ATAD2B: variants seen among roughly 807,000 people sequenced by gnomAD.
ATAD2B encodes the protein ATPase family AAA domain-containing protein 2B.
A neutral mutation model predicts 167.6 loss-of-function variants in ATAD2B; 40 were observed. The ratio of observed to expected loss-of-function variants is 0.24; its 90% CI spans 0.19 to 0.31. The LOEUF is 0.31. Ranked by LOEUF, ATAD2B falls within the 10% of genes least tolerant of loss-of-function variation. The pLI is 1.00. For synonymous variants in ATAD2B, 579 were observed against 596.5 expected (o/e 0.97, Z 0.43); for missense variants, 1,242 against 1,757.2 (o/e 0.71, Z 5.24).
intron 1 of ATAD2B, among the ~76,000 whole-genome samples, chr2:23,903,376 G>C (rs867162366): frequency 1.3e-5 from 2 of 152,182 alleles, no homozygotes; most frequent in Middle Eastern, 3.4e-3. Flanking sequence ...ACTTCCAAGA[G>C]AAGTATAATA....
At chr2:23,763,221 C>G (rs1440835513) in intron 23 of ATAD2B, among the ~76,000 whole-genome samples, 1 of 152,094 alleles carries the variant, frequency 6.6e-6, no homozygotes, top group African/African-American at 2.4e-5. Flanking sequence ...AGTTTTTATT[C>G]TTCCTTCACT....
rs1676095451 is a variant in ATAD2B at position 23,757,559 on chromosome 2, G to T, written c.3937C>A (p.Gln1313Lys). The T allele has an allele frequency of 2.5e-6, 4 of 1,601,730 alleles. 1 individual carries two copies. Among genetic ancestry groups the T allele is most frequent in the Admixed American group, 1.8e-5 (1 of 56,914 alleles). Residue 1313 changes from glutamine to lysine, a missense_variant, in exon 25 of 28, where the codon CAG becomes AAG. Physicochemically the swap from Gln to Lys is moderately conservative, Grantham distance 53. Around this residue, in one of 9 missense-constraint regions of ATAD2B, gnomAD observed 282 missense variants for 346.8 expected, o/e 0.81. Transcript: ENST00000238789. Reference sequence around the variant, plus strand: ...GAAGTTTCTGGTTTTTCTTTTGACTGGTCCTCCAGAAGAATCTTTTGTTCA... The same window carrying T: ...GAAGTTTCTGGTTTTTCTTTTGACTTGTCCTCCAGAAGAATCTTTTGTTCA... Reference protein sequence around the residue: ...SSEQKILLEDQSKEKPETSTE... With the variant: ...SSEQKILLEDKSKEKPETSTE...
chr2:23,766,712 A>G (rs1210591576), intron 22 of ATAD2B, among the ~76,000 whole-genome samples: 1 of 152,150 alleles, frequency 6.6e-6, no homozygotes, highest in Non-Finnish European at 1.5e-5. Flanking sequence ...ATCATCTCTC[A>G]TACATCCAAA....
At chr2:23,914,904 T>C (rs936904460) in intron 1 of ATAD2B, among the ~76,000 whole-genome samples, 2 of 151,536 alleles carry the variant, frequency 1.3e-5, no homozygotes, top group South Asian at 2.1e-4. Context: ...GAGCAGCACA[T>C]ATAGAAGTAA....
chr2:23,683,686 G>A, the ATAD2B span, among the ~76,000 whole-genome samples: 1 of 152,244 alleles, frequency 6.6e-6, no homozygotes, highest in East Asian at 1.9e-4. Context: ...GGGCTGTAAA[G>A]CAGGCTCTGC....
At chr2:23,818,800 T>C (rs1351691813) in intron 17 of ATAD2B, among the ~76,000 whole-genome samples, 1 of 152,206 alleles carries the variant, frequency 6.6e-6, no homozygotes, top group Non-Finnish European at 1.5e-5. Context: ...CTGTTAGTAT[T>C]TGAAAACTAT....
rs1215087491 is a variant in ATAD2B, at chr2:23,867,889, T to G, written c.1134A>C (p.Arg378=). Residue 378 remains arginine (R), a synonymous_variant, in exon 10 of 28, where the codon CGA becomes CGC. Coordinates refer to ENST00000238789, the MANE Select transcript of ATAD2B (RefSeq NM_017552.4). Reference sequence around the variant, plus strand: ...CAGCCAAGCTTGCACCCACTTTCACTCGTTCTCGGAGAATACCGCTAGCTA... The same window carrying G: ...CAGCCAAGCTTGCACCCACTTTCACGCGTTCTCGGAGAATACCGCTAGCTA... ...EDLASGILRE[R]VKVGASLADV... is the part of the protein sequence containing the mutation. 6.2e-7 allele frequency: 1 copy of G among 1,613,744 alleles called. No individual in the cohort carries two copies. Among genetic ancestry groups the G allele is most frequent in the Non-Finnish European group, 8.5e-7 (1 of 1,179,832 alleles).
At chr2:23,767,948 G>A (rs1380811974) in intron 22 of ATAD2B, among the ~76,000 whole-genome samples, 1 of 151,470 alleles carries the variant, frequency 6.6e-6, no homozygotes, top group African/African-American at 2.4e-5. Flanking sequence ...AGGAAAAGAA[G>A]TTAGAGAGTA....
the ATAD2B span, among the ~76,000 whole-genome samples, chr2:23,710,714 G>GA: frequency 6.6e-6 from 1 of 152,108 alleles, no homozygotes; most frequent in Non-Finnish European, 1.5e-5. Context: ...TAATACAAAT[G>GA]AAAAAACAAT....
chr2:23,807,115 T>C (rs576658197), intron 18 of ATAD2B, among the ~76,000 whole-genome samples: 1 of 152,288 alleles, frequency 6.6e-6, no homozygotes, highest in Admixed American at 6.5e-5. Flanking sequence ...TGTTCCTATA[T>C]AGTGGTTCAC....
chr2:23,901,371 TC>T (rs138937173), intron 1 of ATAD2B, among the ~76,000 whole-genome samples: 14,745 of 150,802 alleles, frequency 0.098, 830 homozygotes, highest in Middle Eastern at 0.17. Context: ...TTTTTTTTTT[TC>T]TTCATGAAAT....
chr2:23,683,039 A>G, the ATAD2B span, among the ~76,000 whole-genome samples: 1 of 152,246 alleles, frequency 6.6e-6, no homozygotes, highest in Non-Finnish European at 1.5e-5. Flanking sequence ...CCTGGCAATC[A>G]GGGAGCAGAA....
chr2:23,907,040 C>G lies in ATAD2B; in HGVS notation c.217-11070G>C, dbSNP rs192523325. Among the ~76,000 whole-genome samples the G allele has an allele frequency of 2.0e-3, 297 of 151,104 alleles. 1 individual carries two copies. Among genetic ancestry groups the G allele is most frequent in the Admixed American group, 6.1e-3 (93 of 15,172 alleles). On this transcript the variant is annotated intron_variant, in intron 1 of 27. Transcript: ENST00000238789. ...CGAATGGGCAAAAACTGGAAGCATT[C>G]CCTTTGAAAACTGGCACAACACAGG...
intron 1 of ATAD2B, among the ~76,000 whole-genome samples, chr2:23,898,788 A>G (rs1700433578): frequency 6.6e-6 from 1 of 152,214 alleles, no homozygotes. Flanking sequence ...CGACTGCTTG[A>G]GGCCAGGAGT....
chr2:23,711,050 A>G, the ATAD2B span, among the ~76,000 whole-genome samples: 1 of 152,196 alleles, frequency 6.6e-6, no homozygotes, highest in African/African-American at 2.4e-5. Flanking sequence ...GCCATTTGGA[A>G]AACACTTAGA....
the ATAD2B span, among the ~76,000 whole-genome samples, chr2:23,680,634 A>C: frequency 6.6e-6 from 1 of 151,892 alleles, no homozygotes; most frequent in Admixed American, 6.5e-5. The surrounding 1 kb of genome is among the most constrained non-coding windows in gnomAD (Gnocchi z 4.1). Flanking sequence ...TCTCTAGGCC[A>C]TCTTCTCCTG....
At chr2:23,743,103 T>C in the ATAD2B span, among the ~76,000 whole-genome samples, 10 of 143,564 alleles carry the variant, frequency 7.0e-5, no homozygotes, top group Admixed American at 2.8e-4. Flanking sequence ...AGTCCAGATA[T>C]AAGATTCAGT....
chr2:23,769,163 G>A (rs1199309063), intron 22 of ATAD2B, among the ~76,000 whole-genome samples: 1 of 152,116 alleles, frequency 6.6e-6, no homozygotes, highest in Non-Finnish European at 1.5e-5. Flanking sequence ...GGTAGTGGCC[G>A]AGCACGGGGG....
intron 22 of ATAD2B, among the ~76,000 whole-genome samples, chr2:23,776,723 T>TCTTATAATC (rs1319655606): frequency 6.6e-6 from 1 of 152,206 alleles, no homozygotes; most frequent in Non-Finnish European, 1.5e-5. Flanking sequence ...TATGACACTG[T>TCTTATAATC]CTTATAATCA....
Sources: gnomAD v4.1 joint callset for allele counts (sites outside exome capture counted in the v4.1 genomes callset) on GRCh38, gnomAD v4.1.1 for gene constraint, gnomAD v4.1.1 regional missense constraint, Gnocchi (gnomAD v3.1) non-coding constraint, MANE v1.5 for transcripts, NCBI Gene and HGNC (gene_info 2026-07-23, HGNC 2026-07-21) for gene names.